S100Z: variants seen among roughly 807,000 people sequenced by gnomAD.
S100Z encodes the protein S100 calcium binding protein Z.
A neutral mutation model predicts 8.5 loss-of-function variants in S100Z; 11 were observed. The ratio of observed to expected loss-of-function variants is 1.30; its 90% CI spans 0.82 to 2.15. The LOEUF (loss-of-function observed/expected upper bound fraction) is 2.15, where lower values mean the gene tolerates loss of function less well. Ranked by LOEUF, S100Z falls within the 30% of genes most tolerant of loss-of-function variation. S100Z has a pLI of 0.00. For missense variants in S100Z, 126 were observed against 117.9 expected, an observed-to-expected ratio of 1.07 and a Z score of -0.32; for synonymous variants, 34 against 43.8, an observed-to-expected ratio of 0.78 and a Z score of 0.89.
rs1743944693 is a variant in S100Z at position 76,893,779 on chromosome 5, T to C, written c.*2+15945T>C. On this transcript the variant is annotated intron_variant, in intron 4 of 4. Coordinates refer to ENST00000317593, the MANE Select transcript of S100Z (RefSeq NM_130772.4). The stretch of plus-strand genomic sequence containing the variant: ...GGGGCAGATGGGCATATGACCTTTC[T>C]GGAGAATCCTCTTCTAATAGCTAAC... Among the ~76,000 whole-genome samples, 5 of 152,178 alleles carry C rather than the reference T, an allele frequency of 3.3e-5. No individual in the cohort carries two copies. In the South Asian group the frequency reaches 1.0e-3, roughly 32 times the overall value.
At chr5:76,933,686 A>C in the S100Z span, among the ~76,000 whole-genome samples, 1 of 152,180 alleles carries the variant, frequency 6.6e-6, no homozygotes, top group Non-Finnish European at 1.5e-5. Flanking sequence ...ATACAACTTG[A>C]AAATTTATTC....
the S100Z span, among the ~76,000 whole-genome samples, chr5:76,928,301 C>T: frequency 6.6e-6 from 1 of 152,186 alleles, no homozygotes; most frequent in African/African-American, 2.4e-5. Flanking sequence ...AAAAAGATGT[C>T]TGAAATTTTA....
chr5:76,866,140 A>G (rs540747065), intron 1 of S100Z, among the ~76,000 whole-genome samples: 40 of 147,080 alleles, frequency 2.7e-4, no homozygotes, highest in African/African-American at 9.9e-4. Context: ...GCTGGAGTGC[A>G]GTGTAGTGAT....
the S100Z span, among the ~76,000 whole-genome samples, chr5:76,950,865 A>T: frequency 6.6e-6 from 1 of 152,192 alleles, no homozygotes; most frequent in African/African-American, 2.4e-5. Flanking sequence ...TTGCCCAGAA[A>T]ATTTTTCTTC....
At chr5:76,882,766 G>A (rs62363086) in intron 4 of S100Z, among the ~76,000 whole-genome samples, 82,251 of 152,012 alleles carry the variant, frequency 0.54, 24,438 homozygotes, top group Non-Finnish European at 0.66. Context: ...GTACAGCCCA[G>A]GTAATTTGTG....
chr5:76,887,690 G>A (rs1743696438), intron 4 of S100Z, among the ~76,000 whole-genome samples: 1 of 152,132 alleles, frequency 6.6e-6, no homozygotes, highest in Admixed American at 6.6e-5. Context: ...GAGCCACTGT[G>A]CCCAGCCCAG....
chr5:76,938,218 CTT>C, the S100Z span, among the ~76,000 whole-genome samples: 1 of 152,362 alleles, frequency 6.6e-6, no homozygotes, highest in Admixed American at 6.5e-5. Flanking sequence ...TGGCTTCACT[CTT>C]TCCTCCTGGG....
chr5:76,920,469 C>T (rs903835582), intron 4 of S100Z, among the ~76,000 whole-genome samples: 5 of 152,196 alleles, frequency 3.3e-5, no homozygotes, highest in Non-Finnish European at 5.9e-5. Context: ...TAATGGTATA[C>T]ACAATGCTTC....
chr5:76,866,760 A>T (rs1475136586), intron 1 of S100Z, among the ~76,000 whole-genome samples: 2 of 152,212 alleles, frequency 1.3e-5, no homozygotes, highest in African/African-American at 4.8e-5. Context: ...CGTGTGTGTA[A>T]GTATACCCTA....
chr5:76,879,070 C>G (rs141355424), intron 4 of S100Z, among the ~76,000 whole-genome samples: 2 of 152,208 alleles, frequency 1.3e-5, no homozygotes, highest in East Asian at 3.9e-4. Flanking sequence ...TGTAATAGTT[C>G]TGGACAATGT....
At chr5:76,908,369 C>T (rs567356412) in intron 4 of S100Z, among the ~76,000 whole-genome samples, 1 of 152,262 alleles carries the variant, frequency 6.6e-6, no homozygotes, top group East Asian at 1.9e-4. Context: ...TCCTATCTAC[C>T]CTGACCCTTG....
chr5:76,891,381 CA>C (rs1324999890), intron 4 of S100Z, among the ~76,000 whole-genome samples: 4 of 152,264 alleles, frequency 2.6e-5, no homozygotes, highest in Admixed American at 2.0e-4. Context: ...TAAAGGGCAT[CA>C]GGGGATTCTA....
chr5:76,875,411 C>A lies in S100Z; in HGVS notation c.52C>A (p.Arg18Ser). Residue 18 changes from arginine (R) to serine (S), a missense_variant, in exon 3 of 5, where the codon CGC becomes AGC. Arg to Ser is a moderately radical substitution (Grantham distance 110, BLOSUM62 -1). Coordinates refer to ENST00000317593, the MANE Select transcript of S100Z (RefSeq NM_130772.4). ...GGACACCATGATTAGAATCTTCCAC[C>A]GCTATTCTGGCAAGGAAAGGAAGAG... is the stretch of plus-strand genomic sequence containing the variant. ...AMDTMIRIFHRYSGKERKRFK... is the reference protein window; with the variant it reads ...AMDTMIRIFHSYSGKERKRFK... The A allele has an allele frequency of 6.2e-7, 1 of 1,613,136 alleles. No individual in the cohort carries two copies. Among genetic ancestry groups the A allele is most frequent in the Non-Finnish European group, 8.5e-7 (1 of 1,179,524 alleles).
intron 1 of S100Z, among the ~76,000 whole-genome samples, chr5:76,851,201 G>GAACAGA (rs1750718671): frequency 1.3e-5 from 2 of 152,208 alleles, no homozygotes; most frequent in African/African-American, 4.8e-5. Context: ...GCAGAGGAAT[G>GAACAGA]GGCAGCACAG....
chr5:76,866,161 T>C (rs1007325411), intron 1 of S100Z, among the ~76,000 whole-genome samples: 5 of 150,278 alleles, frequency 3.3e-5, no homozygotes, highest in Non-Finnish European at 7.4e-5. Context: ...CTTGGCTCAC[T>C]GCAACCTCCA....
chr5:76,893,732 GA>G (rs983346533), intron 4 of S100Z, among the ~76,000 whole-genome samples: 1 of 152,160 alleles, frequency 6.6e-6, no homozygotes, highest in Non-Finnish European at 1.5e-5. Flanking sequence ...AGCACTAGGA[GA>G]AAGAGGTGTG....
the S100Z span, among the ~76,000 whole-genome samples, chr5:76,942,445 C>CA: frequency 1.4e-5 from 1 of 72,746 alleles, no homozygotes; most frequent in East Asian, 4.8e-4. Context: ...AAAAAAAAAG[C>CA]AAAAACCTCT....
intron 2 of S100Z, among the ~76,000 whole-genome samples, chr5:76,870,552 A>G (rs953878189): frequency 6.6e-6 from 1 of 152,194 alleles, no homozygotes; most frequent in Non-Finnish European, 1.5e-5. Flanking sequence ...ACCTTGGTCT[A>G]TAGTCCTCAG....
chr5:76,908,768 G>GGTAT (rs1744543945), intron 4 of S100Z, among the ~76,000 whole-genome samples: 1 of 152,264 alleles, frequency 6.6e-6, no homozygotes, highest in Admixed American at 6.5e-5. Flanking sequence ...CCTCCCTCAG[G>GGTAT]GTATGGCCCT....
Sources: gnomAD v4.1 joint callset for allele counts (sites outside exome capture counted in the v4.1 genomes callset) on GRCh38, gnomAD v4.1.1 for gene constraint, MANE v1.5 for transcripts, NCBI Gene and HGNC (gene_info 2026-07-23, HGNC 2026-07-21) for gene names.